RSPO2: variants seen among roughly 807,000 people sequenced by gnomAD.
RSPO2 encodes the protein R-spondin 2, also known as R-spondin-2.
RSPO2 carries 14 observed loss-of-function variants against 30.9 expected under a neutral mutation model. That is an observed-to-expected ratio of 0.45 (90% CI 0.30 to 0.71). The LOEUF (loss-of-function observed/expected upper bound fraction) is 0.71. RSPO2 is among the 30% of genes least tolerant of loss of function. RSPO2 has a pLI of 0.08. For synonymous variants in RSPO2, 107 were observed against 96.4 expected (o/e 1.11, Z -0.64); for missense variants, 264 against 301.9 (o/e 0.87, Z 0.93).
chr8:108,028,382 CTTAG>C (rs1235635224), intron 2 of RSPO2, among the ~76,000 whole-genome samples: 5 of 152,160 alleles, frequency 3.3e-5, no homozygotes, highest in African/African-American at 1.2e-4. Context: ...CCCAAAGCAA[CTTAG>C]TTATTCTCTC....
intron 3 of RSPO2, among the ~76,000 whole-genome samples, chr8:107,977,613 G>A (rs886289484): frequency 1.3e-5 from 2 of 152,148 alleles, no homozygotes; most frequent in African/African-American, 4.8e-5. Flanking sequence ...GGGTCTGAGA[G>A]AGACAGACAC....
At chr8:107,918,312 T>A (rs1812040867) in intron 5 of RSPO2, among the ~76,000 whole-genome samples, 1 of 152,196 alleles carries the variant, frequency 6.6e-6, no homozygotes, top group African/African-American at 2.4e-5. Context: ...GTATTCTCAA[T>A]TTATGGCGGT....
intron 2 of RSPO2, among the ~76,000 whole-genome samples, chr8:108,038,491 G>A (rs1401664802): frequency 6.6e-6 from 1 of 152,170 alleles, no homozygotes; most frequent in African/African-American, 2.4e-5. Flanking sequence ...GGCAAGGTTT[G>A]ACAGGATTGA....
intron 2 of RSPO2, among the ~76,000 whole-genome samples, chr8:108,063,559 A>G (rs1171986392): frequency 6.6e-6 from 1 of 151,906 alleles, no homozygotes; most frequent in Non-Finnish European, 1.5e-5. Flanking sequence ...AGAATATTCC[A>G]TGCTCATGGA....
intron 2 of RSPO2, among the ~76,000 whole-genome samples, chr8:108,008,894 A>AT (rs1212113817): frequency 6.6e-6 from 1 of 151,862 alleles, no homozygotes; most frequent in African/African-American, 2.4e-5. Flanking sequence ...ATAATGGTAA[A>AT]TTTTTTTTGT....
intron 3 of RSPO2, 133 bp downstream of exon 3, chr8:107,988,923 C>T: frequency 1.2e-6 from 1 of 818,542 alleles, no homozygotes; most frequent in Non-Finnish European, 1.8e-6. Context: ...CCACCACACC[C>T]AGCAAGCTTA....
chr8:108,065,263 C>T (rs1812626749), intron 2 of RSPO2, among the ~76,000 whole-genome samples: 1 of 135,768 alleles, frequency 7.4e-6, no homozygotes, highest in Admixed American at 7.7e-5. Context: ...CAAACCTGTA[C>T]ATTCTGCACA....
chr8:107,905,172 T>G (rs1290265055), intron 5 of RSPO2, among the ~76,000 whole-genome samples: 1 of 152,080 alleles, frequency 6.6e-6, no homozygotes, highest in Non-Finnish European at 1.5e-5. Context: ...ATGCTCTCTT[T>G]CCTCTCACTG....
At chr8:108,080,332 GAGA>G (rs1813153859) in intron 2 of RSPO2, among the ~76,000 whole-genome samples, 4 of 151,924 alleles carry the variant, frequency 2.6e-5, no homozygotes, top group African/African-American at 2.4e-5. Context: ...GATATCTGTT[GAGA>G]AGAAGAAAAA....
chr8:107,911,576 C>A (rs904612265), intron 5 of RSPO2, among the ~76,000 whole-genome samples: 1 of 152,152 alleles, frequency 6.6e-6, no homozygotes, highest in African/African-American at 2.4e-5. Context: ...TATAAAATTT[C>A]ACATATTATA....
chr8:107,985,500 T>A lies in RSPO2; in HGVS notation c.283+3556A>T, dbSNP rs543618748. On this transcript the variant is annotated intron_variant, in intron 3 of 5. Coordinates refer to ENST00000276659, the MANE Select transcript of RSPO2 (RefSeq NM_178565.5). Reference sequence around the variant, plus strand: ...ATATGTTCATAATTCATTAAACAAGTTACAAAACACAATGACACATTTGTA... The same window carrying A: ...ATATGTTCATAATTCATTAAACAAGATACAAAACACAATGACACATTTGTA... Among the ~76,000 whole-genome samples, 6 of 152,280 alleles carry A rather than the reference T, an allele frequency of 3.9e-5. No homozygotes were observed. The South Asian group carries it at 1.2e-3, about 32-fold the overall frequency.
rs539987826 is a variant in RSPO2, at chr8:108,047,468, T to C, written c.94+35077A>G. 2.0e-5 allele frequency among the ~76,000 whole-genome samples: 3 copies of C among 152,258 alleles called. No homozygotes were observed. The East Asian group carries it at 5.8e-4, about 29-fold the overall frequency. On this transcript the variant is annotated intron_variant, in intron 2 of 5. Transcript: ENST00000276659. The stretch of plus-strand genomic sequence containing the variant: ...TTAGGAAAATTATTTTTTAACAAAA[T>C]TAAAGTTGTAGAAAGAGATGCTCAG...
At chr8:108,062,544 G>C (rs569800994) in intron 2 of RSPO2, among the ~76,000 whole-genome samples, 2 of 151,024 alleles carry the variant, frequency 1.3e-5, no homozygotes, top group South Asian at 4.2e-4. Flanking sequence ...GGCAATAATA[G>C]CCTACCAACC....
intron 2 of RSPO2, among the ~76,000 whole-genome samples, chr8:108,012,458 T>G (rs1003927164): frequency 6.6e-6 from 1 of 152,182 alleles, no homozygotes; most frequent in Admixed American, 6.6e-5. Flanking sequence ...CTCAAAATAG[T>G]AAGGAAAACG....
chr8:108,065,047 G>A (rs113004013), intron 2 of RSPO2, among the ~76,000 whole-genome samples: 12,093 of 151,912 alleles, frequency 0.08, 1,508 homozygotes, highest in African/African-American at 0.27. Flanking sequence ...GGGAGGGATA[G>A]CATTAGGATA....
intron 5 of RSPO2, among the ~76,000 whole-genome samples, chr8:107,934,728 G>T (rs1812660039): frequency 6.6e-6 from 1 of 152,144 alleles, no homozygotes; most frequent in South Asian, 2.1e-4. Flanking sequence ...CATGGCAGAA[G>T]AACATAAATT....
At chr8:108,013,857 AATAAAAC>A (rs1369219437) in intron 2 of RSPO2, among the ~76,000 whole-genome samples, 4 of 152,240 alleles carry the variant, frequency 2.6e-5, no homozygotes, top group Non-Finnish European at 5.9e-5. Context: ...AATGGGATCT[AATAAAAC>A]TAAAGAGCTT....
At chr8:107,926,275 G>C (rs919714370) in intron 5 of RSPO2, among the ~76,000 whole-genome samples, 2 of 151,964 alleles carry the variant, frequency 1.3e-5, no homozygotes, top group Non-Finnish European at 2.9e-5. Context: ...AAATTTGTTT[G>C]AGTTCTTTGT....
At chr8:107,918,957 C>T (rs1812067529) in intron 5 of RSPO2, among the ~76,000 whole-genome samples, 1 of 152,072 alleles carries the variant, frequency 6.6e-6, no homozygotes, top group Non-Finnish European at 1.5e-5. Context: ...GGCTACAAGT[C>T]CCAAAACTAA....
Sources: allele counts gnomAD v4.1 joint callset (sites outside exome capture counted in the v4.1 genomes callset), GRCh38; gene constraint gnomAD v4.1.1; transcripts MANE v1.5; gene names NCBI Gene and HGNC (gene_info 2026-07-23, HGNC 2026-07-21).